The following TRIM69 variants were observed in gnomAD, a reference collection of about 807,000 sequenced individuals.
The protein encoded by TRIM69 is E3 ubiquitin-protein ligase TRIM69.
TRIM69 carries 29 observed loss-of-function variants against 37.7 expected under a neutral mutation model. That is an observed-to-expected ratio of 0.77 (90% confidence interval 0.57 to 1.05). The LOEUF (loss-of-function observed/expected upper bound fraction) is 1.05. Among genes scored for constraint, TRIM69 ranks in the 50% least tolerant of loss-of-function variants. The pLI is 0.00. For synonymous variants in TRIM69, 209 were observed against 212.4 expected, an observed-to-expected ratio of 0.98 and a Z score of 0.14; for missense variants, 596 against 579.9, an observed-to-expected ratio of 1.03 and a Z score of -0.28.
chr15:44,756,504 C>A (rs529954321), intron 3 of TRIM69, 41 bp downstream of exon 3: 9 of 1,352,550 alleles, frequency 6.7e-6, no homozygotes, highest in East Asian at 5.0e-5. Flanking sequence ...AGAACTGGAA[C>A]ACACCCTCCA....
intron 4 of TRIM69, among the ~76,000 whole-genome samples, chr15:44,759,200 T>A (rs1339498193): frequency 1.3e-5 from 2 of 152,234 alleles, no homozygotes; most frequent in African/African-American, 4.8e-5. Context: ...TCAGCAATCA[T>A]AAGCTGACCT....
At position 44,767,272 on chromosome 15, in the gene TRIM69, A is replaced by C. The variant is rs1566902879; in HGVS notation, c.1003A>C (p.Asn335His). The C allele has an allele frequency of 6.2e-7, 1 of 1,613,782 alleles. No homozygotes were observed. Among genetic ancestry groups the C allele is most frequent in the Non-Finnish European group, 8.5e-7 (1 of 1,179,984 alleles). Residue 335 changes from asparagine to histidine, a missense_variant, in exon 7 of 7, where the codon AAT (asparagine) becomes CAT (histidine). By Grantham distance (68) the Asn-to-His change is moderately conservative. Coordinates refer to ENST00000329464, the MANE Select transcript of TRIM69 (RefSeq NM_182985.5). ...LTLDPKTAHP[N>H]LVLSKSQTSV... is the part of the protein sequence containing the mutation. The stretch of plus-strand genomic sequence containing the variant: ...TCTGGACCCTAAAACAGCTCACCCA[A>C]ATCTGGTGCTCTCCAAAAGCCAAAC...
chr15:44,763,737 C>T (rs1023619211), intron 6 of TRIM69, among the ~76,000 whole-genome samples: 2 of 152,096 alleles, frequency 1.3e-5, no homozygotes, highest in Non-Finnish European at 2.9e-5. Context: ...TCTTTCAGTT[C>T]TATTGAATTT....
At position 44,737,594 on chromosome 15, in the gene TRIM69, G is replaced by A. The variant is rs116738371; in HGVS notation, c.6+884G>A. Among the ~76,000 whole-genome samples the A allele has an allele frequency of 5.4e-3, 816 of 152,300 alleles. 13 individuals are homozygous for A. Among genetic ancestry groups the A allele is most frequent in the African/African-American group, 0.019 (790 of 41,560 alleles). ...CAGATGTTCAGGCAGAGGTTGGAAA[G>A]GAGTGAATTAAATGGCTTAAAATTT... On this transcript the variant is annotated intron_variant, in intron 1 of 6. Coordinates refer to ENST00000329464, the MANE Select transcript of TRIM69 (RefSeq NM_182985.5).
intron 6 of TRIM69, among the ~76,000 whole-genome samples, chr15:44,762,213 G>A (rs140448863): frequency 0.025 from 3,861 of 152,210 alleles, 85 homozygotes; most frequent in Non-Finnish European, 0.039. Flanking sequence ...TGATCTGCCC[G>A]CCTCGGCCTC....
chr15:44,739,523 C>A (rs1200759948), intron 1 of TRIM69, among the ~76,000 whole-genome samples: 1 of 152,240 alleles, frequency 6.6e-6, no homozygotes, highest in Non-Finnish European at 1.5e-5. Flanking sequence ...GTCACTCCCA[C>A]CCTAATACTG....
chr15:44,755,359 G>T lies in TRIM69; in HGVS notation c.466G>T (p.Ala156Ser). 1 of 1,613,184 alleles carries T rather than the reference G, an allele frequency of 6.2e-7. No individual in the cohort carries two copies. The highest frequency in any genetic ancestry group is 8.5e-7 in the Non-Finnish European group (1 of 1,179,768). Residue 156 changes from alanine (A) to serine (S), a missense_variant, in exon 2 of 7, where the codon GCT becomes TCT. Transcript: ENST00000329464. The stretch of plus-strand genomic sequence containing the variant: ...TAAGGAGTTCCTGCAAATCTCTGAT[G>T]CTGTCCATTTCTTCACGGTGGGTGA... Reference protein sequence around the residue: ...QSKEFLQISDAVHFFTEELAI... With the variant: ...QSKEFLQISDSVHFFTEELAI...
intron 6 of TRIM69, among the ~76,000 whole-genome samples, chr15:44,761,577 G>A (rs919960093): frequency 6.6e-5 from 10 of 152,202 alleles, no homozygotes; most frequent in Middle Eastern, 3.4e-3. Flanking sequence ...TGATTCTTGC[G>A]CCTCAGACTC....
At chr15:44,751,179 G>A (rs1157404524) in intron 1 of TRIM69, among the ~76,000 whole-genome samples, 5 of 150,110 alleles carry the variant, frequency 3.3e-5, no homozygotes, top group African/African-American at 7.4e-5. Context: ...ACAATGGCAC[G>A]ATCTCAGCTC....
intron 1 of TRIM69, among the ~76,000 whole-genome samples, chr15:44,745,203 C>T (rs1419055391): frequency 2.6e-5 from 4 of 151,896 alleles, no homozygotes; most frequent in Non-Finnish European, 4.4e-5. Context: ...ATATACGAAG[C>T]CCATTTACAA....
chr15:44,762,554 T>C (rs1372209410), intron 6 of TRIM69, among the ~76,000 whole-genome samples: 1 of 152,162 alleles, frequency 6.6e-6, no homozygotes, highest in East Asian at 1.9e-4. Context: ...AGTACTTTTT[T>C]AGCCTTTTTT....
rs774512600 is a variant in TRIM69 at position 44,767,480 on chromosome 15, G to C, written c.1211G>C (p.Ser404Thr). 1 of 1,614,206 alleles carries C rather than the reference G, an allele frequency of 6.2e-7. No individual in the cohort carries two copies. The highest frequency in any genetic ancestry group is 8.5e-7 in the Non-Finnish European group (1 of 1,180,036). ...AGAGAATCCATCATTCGGAAGGGCA[G>C]CTGTCCTCTAACTCCTGAGCAAGGA... ...VVRESIIRKGSCPLTPEQGFW... is the reference protein window; with the variant it reads ...VVRESIIRKGTCPLTPEQGFW... The change falls in exon 7 of 7, where the codon AGC (serine) becomes ACC (threonine). Residue 404 changes from serine to threonine, a missense_variant. Coordinates refer to ENST00000329464, the MANE Select transcript of TRIM69 (RefSeq NM_182985.5).
chr15:44,741,251 A>T (rs1478077544), intron 1 of TRIM69, among the ~76,000 whole-genome samples: 2 of 152,208 alleles, frequency 1.3e-5, no homozygotes, highest in African/African-American at 4.8e-5. Context: ...AGAAATAAAG[A>T]TGTTCTTTGA....
At chr15:44,759,607 G>C in intron 4 of TRIM69, 33 bp from the exon 5 acceptor site, 1 of 1,609,658 alleles carries the variant, frequency 6.2e-7, no homozygotes, top group Non-Finnish European at 8.5e-7. Context: ...TGATGAACGG[G>C]CATCTGATGT....
At chr15:44,754,636 A>AAG (rs1247940787) in intron 1 of TRIM69, 17 of 397,574 alleles carry the variant, frequency 4.3e-5, no homozygotes, top group African/African-American at 2.7e-4. Context: ...AAAGTGGGTA[A>AAG]AGAGAGAGAT....
chr15:44,762,029 A>G (rs7497862), intron 6 of TRIM69, among the ~76,000 whole-genome samples: 144,206 of 152,174 alleles, frequency 0.95, 68,480 homozygotes, highest in African/African-American at 0.97. Context: ...AGTGTGGTGC[A>G]ATCTCGGCTC....
At position 44,744,538 on chromosome 15, in the gene TRIM69, T is replaced by C. The variant is rs1039776915; in HGVS notation, c.6+7828T>C. Among the ~76,000 whole-genome samples the C allele has an allele frequency of 2.0e-5, 3 of 152,184 alleles. No individual in the cohort carries two copies. The East Asian group carries it at 5.8e-4, about 29-fold the overall frequency. On this transcript the variant is annotated intron_variant, in intron 1 of 6. Coordinates refer to ENST00000329464, the MANE Select transcript of TRIM69 (RefSeq NM_182985.5). ...CTGGCAAAAATTTTGAAGATCGAGT[T>C]TTTTAAAACTTGAAACTAATCAAAA...
intron 1 of TRIM69, among the ~76,000 whole-genome samples, chr15:44,749,070 G>A (rs947192149): frequency 1.3e-5 from 2 of 151,604 alleles, no homozygotes; most frequent in African/African-American, 4.8e-5. Flanking sequence ...TGTTTTTTCC[G>A]GTAGAGACAG....
chr15:44,759,520 A>G (rs2087727261), intron 4 of TRIM69, 120 bp from the exon 5 acceptor site: 2 of 914,278 alleles, frequency 2.2e-6, no homozygotes, highest in Admixed American at 2.2e-5. Flanking sequence ...AGGATGAAAG[A>G]AGTTGGTAGA....
Sources: gnomAD v4.1 joint callset for allele counts (sites outside exome capture counted in the v4.1 genomes callset) on GRCh38, gnomAD v4.1.1 for gene constraint, MANE v1.5 for transcripts, NCBI Gene and HGNC (gene_info 2026-07-23, HGNC 2026-07-21) for gene names.